The following FBXO38 variants were observed in gnomAD, a reference collection of about 807,000 sequenced individuals.
FBXO38 encodes F-box protein 38, also known as F-box only protein 38.
A neutral mutation model predicts 131.9 loss-of-function variants in FBXO38; 53 were observed. The observed-to-expected ratio is 0.40, with a 90% CI of 0.32 to 0.51. The LOEUF is 0.51. FBXO38 is among the 20% of genes least tolerant of loss of function. The pLI, the probability that FBXO38 is intolerant of heterozygous loss-of-function variation, is 0.53. For missense variants in FBXO38, 1,076 were observed against 1,475.6 expected (o/e 0.73, Z 4.44); for synonymous variants, 452 against 505.6 (o/e 0.89, Z 1.42).
At chr5:148,384,230 G>A (rs936932134) in intron 1 of FBXO38, among the ~76,000 whole-genome samples, 191 bp downstream of exon 1, 1 of 152,172 alleles carries the variant, frequency 6.6e-6, no homozygotes, top group African/African-American at 2.4e-5. Context: ...GGCCTTCTAG[G>A]CCGTGCTTGC....
In FBXO38 at chr5:148,414,152, G is replaced by A. The variant is rs768439318; in HGVS notation, c.1110G>A (p.Ala370=). 20 of 1,606,426 alleles carry A rather than the reference G, an allele frequency of 1.2e-5. No homozygotes were observed. The highest frequency in any genetic ancestry group is 1.2e-4 in the African/African-American group (9 of 74,354). The change falls in exon 10 of 22, where the codon GCG becomes GCA. Residue 370 remains alanine, a synonymous_variant. Transcript: ENST00000340253. ...TCTTTTTAGGCAGAATGGCTAATGC[G>A]GATCTGGTGAAGTATGGTTTGGCTG... ...EFLLQSRMAN[A]DLVKYGLADV...
At position 148,404,660 on chromosome 5, in the gene FBXO38, G is replaced by A. The variant is rs368625511; in HGVS notation, c.593-25G>A. 80 of 1,506,576 alleles carry A rather than the reference G, an allele frequency of 5.3e-5. No homozygotes were observed. In the African/African-American group the frequency reaches 1.0e-3, roughly 20 times the overall value. 93.3% of individuals were successfully genotyped at this position (1,506,576 alleles called of 1,614,324 possible). A position where few individuals can be genotyped will look rare whatever the true frequency, so the allele number is the denominator to read the frequency against. On this transcript the variant is annotated intron_variant, in intron 5 of 21. Coordinates refer to ENST00000340253, the MANE Select transcript of FBXO38 (RefSeq NM_205836.3). ...TATTTTTGTGATTTTTTTCTTGTTTGTTCTTTTTTATATTTGTGTTTTAGG... is the reference window on the plus strand; with the variant it reads ...TATTTTTGTGATTTTTTTCTTGTTTATTCTTTTTTATATTTGTGTTTTAGG...
chr5:148,399,378 A>C, intron 3 of FBXO38: 1 of 463,122 alleles, frequency 2.2e-6, no homozygotes, highest in South Asian at 2.8e-5. Context: ...CCTGTTCCAC[A>C]CATCTGTGAT....
At chr5:148,402,287 A>T in intron 4 of FBXO38, 61 bp from the exon 5 acceptor site, 2 of 1,560,030 alleles carry the variant, frequency 1.3e-6, no homozygotes, top group Non-Finnish European at 1.7e-6. Context: ...CTTGTGGTAC[A>T]TAAAGCTTTG....
At chr5:148,397,581 T>C (rs942045478) in intron 2 of FBXO38, 1 of 152,196 alleles carries the variant, frequency 6.6e-6, no homozygotes, top group African/African-American at 2.4e-5. Flanking sequence ...GCAGTGATGA[T>C]TTATTTTGTA....
intron 17 of FBXO38, chr5:148,434,309 A>G (rs907609259): frequency 6.6e-6 from 1 of 152,128 alleles, no homozygotes; most frequent in African/African-American, 2.4e-5. Context: ...CTTTCTTTAT[A>G]TATGTGTCTG....
chr5:148,412,619 C>T (rs1365460025), intron 9 of FBXO38, among the ~76,000 whole-genome samples: 3 of 152,034 alleles, frequency 2.0e-5, no homozygotes, highest in African/African-American at 4.8e-5. Context: ...ATAGTCCTAG[C>T]CCTAGAGTTC....
chr5:148,442,242 G>A lies in FBXO38; in HGVS notation c.*95G>A. ...ACAGGGACTTGAGGCATGCAGTTGG[G>A]AGGTCCTGGCTCGGTTTGCTATATA... On this transcript the variant is annotated 3_prime_UTR_variant, in exon 22 of 22. Coordinates refer to ENST00000340253, the MANE Select transcript of FBXO38 (RefSeq NM_205836.3). 1 of 1,190,662 alleles carries A rather than the reference G, an allele frequency of 8.4e-7. No homozygotes were observed. Among genetic ancestry groups the A allele is most frequent in the East Asian group, 2.4e-5 (1 of 42,508 alleles). 73.8% of individuals were successfully genotyped at this position (1,190,662 alleles called of 1,614,324 possible).
Position 148,442,088 on chromosome 5 carries a change from G to A in FBXO38, c.3508G>A (p.Ala1170Thr). 1 of 1,614,076 alleles carries A rather than the reference G, an allele frequency of 6.2e-7. No homozygotes were observed. Among genetic ancestry groups the A allele is most frequent in the South Asian group, 1.1e-5 (1 of 91,068 alleles). ...GAAGGGTGTATTTCAGCGAGTAGTGGCAATTTTTATCCACTATTGTGATGT... is the reference window on the plus strand; with the variant it reads ...GAAGGGTGTATTTCAGCGAGTAGTGACAATTTTTATCCACTATTGTGATGT... ...MKKGVFQRVV[A>T]IFIHYCDVNG... Residue 1170 changes from alanine to threonine, a missense_variant, in exon 22 of 22, where the codon GCA (alanine) becomes ACA (threonine). Ala to Thr is a moderately conservative substitution (Grantham distance 58). Coordinates refer to ENST00000340253, the MANE Select transcript of FBXO38 (RefSeq NM_205836.3).
At chr5:148,398,295 A>C (rs1751923077) in intron 2 of FBXO38, among the ~76,000 whole-genome samples, 1 of 152,172 alleles carries the variant, frequency 6.6e-6, no homozygotes, top group African/African-American at 2.4e-5. Context: ...GACCTTTCAG[A>C]ATATATAACA....
intron 2 of FBXO38, among the ~76,000 whole-genome samples, chr5:148,395,958 A>G (rs966312501): frequency 1.3e-5 from 2 of 152,150 alleles, no homozygotes; most frequent in African/African-American, 2.4e-5. Context: ...AAATTTCCAT[A>G]TATGAAGTTC....
chr5:148,388,575 C>T (rs1256505239), intron 1 of FBXO38, among the ~76,000 whole-genome samples: 3 of 152,230 alleles, frequency 2.0e-5, no homozygotes, highest in Admixed American at 2.0e-4. Context: ...TCACCTTGTG[C>T]TTTTCCGCTA....
rs767063782 is a variant in FBXO38, at chr5:148,433,637, T to C, written c.2757T>C (p.Val919=). Residue 919 remains valine, a splice_region_variant and synonymous_variant, in exon 17 of 22, where the codon GTT becomes GTC. Coordinates refer to ENST00000340253, the MANE Select transcript of FBXO38 (RefSeq NM_205836.3). ...DPVIEDDHVQ[V]LVLKSKNLVG... ...GTTTCTAATTTTTCTGCTTGTAGGT[T>C]CTTGTATTAAAATCCAAGAATCTTG... 6.3e-7 allele frequency: 1 copy of C among 1,597,144 alleles called. No individual in the cohort carries two copies. The highest frequency in any genetic ancestry group is 8.5e-7 in the Non-Finnish European group (1 of 1,172,494).
chr5:148,398,469 T>G (rs1751944430), intron 2 of FBXO38, among the ~76,000 whole-genome samples: 1 of 150,988 alleles, frequency 6.6e-6, no homozygotes, highest in Non-Finnish European at 1.5e-5. Flanking sequence ...GGAAAAGAAA[T>G]TGTGTACTAT....
chr5:148,423,508 G>C (rs1438500263), intron 12 of FBXO38, among the ~76,000 whole-genome samples: 4 of 152,164 alleles, frequency 2.6e-5, no homozygotes, highest in African/African-American at 9.7e-5. Flanking sequence ...CTTTTATCAT[G>C]AAAGGTTTCT....
chr5:148,387,155 A>G (rs1757955830), intron 1 of FBXO38, among the ~76,000 whole-genome samples: 1 of 152,228 alleles, frequency 6.6e-6, no homozygotes, highest in East Asian at 1.9e-4. Flanking sequence ...AACTTCTTTC[A>G]AAATTACATT....
chr5:148,435,957 C>G (rs1754324926), intron 17 of FBXO38, among the ~76,000 whole-genome samples: 1 of 152,144 alleles, frequency 6.6e-6, no homozygotes, highest in Non-Finnish European at 1.5e-5. Flanking sequence ...ACACACACAA[C>G]ATTTATTAAG....
rs966670462 is a variant in FBXO38 at position 148,414,405 on chromosome 5, A to G, written c.1264+99A>G. Reference sequence around the variant, plus strand: ...TGATATGATTGCATTCCTAATGTAAAATGTAGGTATTTCATTTGGATTGTT... The same window carrying G: ...TGATATGATTGCATTCCTAATGTAAGATGTAGGTATTTCATTTGGATTGTT... On this transcript the variant is annotated intron_variant, in intron 10 of 21. Transcript: ENST00000340253. 4.5e-6 allele frequency: 5 copies of G among 1,120,996 alleles called. No individual in the cohort carries two copies. The Admixed American group carries it at 1.3e-4, about 29-fold the overall frequency. The allele number at this position is 1,120,996 out of a possible 1,614,324, so 69.4% of individuals were successfully genotyped here.
At chr5:148,403,668 G>A (rs748436230) in intron 5 of FBXO38, among the ~76,000 whole-genome samples, 6 of 152,086 alleles carry the variant, frequency 3.9e-5, no homozygotes, top group Non-Finnish European at 8.8e-5. Context: ...ATTTAACTCT[G>A]CTATTTTGAG....
Sources: gnomAD v4.1 joint callset for allele counts (sites outside exome capture counted in the v4.1 genomes callset) on GRCh38, gnomAD v4.1.1 for gene constraint, MANE v1.5 for transcripts, NCBI Gene and HGNC (gene_info 2026-07-23, HGNC 2026-07-21) for gene names.